The following MIB1 variants were observed in gnomAD, a reference collection of about 807,000 sequenced individuals.
MIB1 encodes the protein E3 ubiquitin-protein ligase MIB1.
In MIB1, 278 loss-of-function variants were observed where a neutral mutation model predicts 124.5. The ratio of observed to expected loss-of-function variants is 2.23; its 90% CI spans 2.02 to 2.47. The LOEUF is 2.47. Ranked by LOEUF, MIB1 falls within the 30% of genes most tolerant of loss-of-function variation. The pLI, the probability that MIB1 is intolerant of heterozygous loss-of-function variation, is 0.00. For missense variants in MIB1, 957 were observed against 1,254.4 expected, an observed-to-expected ratio of 0.76 and a Z score of 3.58; for synonymous variants, 446 against 429.4, an observed-to-expected ratio of 1.04 and a Z score of -0.48.
intron 7 of MIB1, among the ~76,000 whole-genome samples, chr18:21,792,365 T>C (rs2041515259): frequency 6.6e-6 from 1 of 152,034 alleles, no homozygotes; most frequent in Non-Finnish European, 1.5e-5. Flanking sequence ...ACCCCCACTC[T>C]ACTGTAATTG....
At chr18:21,773,317 A>G (rs2041243114) in intron 3 of MIB1, among the ~76,000 whole-genome samples, 1 of 152,202 alleles carries the variant, frequency 6.6e-6, no homozygotes, top group African/African-American at 2.4e-5. Flanking sequence ...CTCTTTAAGA[A>G]TAAAAATATT....
chr18:21,814,324 T>C (rs2041805447), intron 10 of MIB1, among the ~76,000 whole-genome samples: 1 of 152,144 alleles, frequency 6.6e-6, no homozygotes, highest in African/African-American at 2.4e-5. Context: ...AGTTTTAATG[T>C]GTTGATAAAT....
chr18:21,740,902 A>G lies in MIB1; in HGVS notation c.-682A>G, dbSNP rs2040840696. 6.6e-6 allele frequency among the ~76,000 whole-genome samples: 1 copy of G among 152,228 alleles called. No individual in the cohort carries two copies. The highest frequency in any genetic ancestry group is 6.5e-5 in the Admixed American group (1 of 15,286). On this transcript the variant is annotated 5_prime_UTR_variant, in exon 1 of 21. Coordinates refer to ENST00000261537, the MANE Select transcript of MIB1 (RefSeq NM_020774.4). ...TATTATTGCCGAGGATCCCCCTCCT[A>G]GACACTCTGAGAAGGTGCCGCTCCG...
At chr18:21,761,786 T>C (rs542814335) in intron 1 of MIB1, among the ~76,000 whole-genome samples, 48 of 152,348 alleles carry the variant, frequency 3.2e-4, no homozygotes, top group Non-Finnish European at 6.0e-4. Context: ...CCGGGAGCTC[T>C]GAGCCAATGC....
chr18:21,838,389 A>G lies in MIB1; in HGVS notation c.1854A>G (p.Lys618=), dbSNP rs146886099. ...GTGCAATGCGTGTTTTACTATCTAA[A>G]TTACCAAGACCATGGATTGTGGATG... is the stretch of plus-strand genomic sequence containing the variant. The part of the protein sequence containing the change: ...NPSAMRVLLS[K]LPRPWIVDEK... The change falls in exon 13 of 21, where the codon AAA becomes AAG. Residue 618 remains lysine, a synonymous_variant. Transcript: ENST00000261537. 28 of 1,602,420 alleles carry G rather than the reference A, an allele frequency of 1.7e-5. No homozygotes were observed. In the South Asian group the frequency reaches 3.2e-4, roughly 18 times the overall value.
Position 21,765,917 on chromosome 18 carries a change from C to G in MIB1, c.375C>G (p.Tyr125Ter). Residue 125 changes from tyrosine (Y) to a stop codon, truncating the protein, a stop_gained, in exon 2 of 21, where the codon TAC becomes TAG. Transcript: ENST00000261537. LOFTEE classifies it high-confidence loss of function. ...GDKHHLRHRF[Y>*]RITTPGSERV... is the part of the protein sequence containing the mutation. ...AACATCATTTAAGACATCGCTTTTA[C>G]CGAATTACTACACCGGGAAGTGAGA... is the stretch of plus-strand genomic sequence containing the variant. 1 of 1,614,050 alleles carries G rather than the reference C, an allele frequency of 6.2e-7. No individual in the cohort carries two copies. The highest frequency in any genetic ancestry group is 8.5e-7 in the Non-Finnish European group (1 of 1,179,972).
At chr18:21,775,126 T>C (rs2041268512) in intron 4 of MIB1, among the ~76,000 whole-genome samples, 1 of 151,604 alleles carries the variant, frequency 6.6e-6, no homozygotes, top group South Asian at 2.1e-4. Context: ...TTTGCATTTT[T>C]AGTAGAGACG....
At chr18:21,709,107 G>A (rs1307390848) in intron 1 of MIB1, among the ~76,000 whole-genome samples, 2 of 152,076 alleles carry the variant, frequency 1.3e-5, no homozygotes, top group East Asian at 3.9e-4. Context: ...ACGAGGTCAG[G>A]AGATCGAGAC....
At chr18:21,862,668 CT>C (rs1291488739) in intron 20 of MIB1, among the ~76,000 whole-genome samples, 1 of 152,086 alleles carries the variant, frequency 6.6e-6, no homozygotes, top group Non-Finnish European at 1.5e-5. Context: ...AGAGCAAGAA[CT>C]TTGGGGCCCT....
At chr18:21,773,093 C>G (rs1312483637) in intron 3 of MIB1, among the ~76,000 whole-genome samples, 2 of 152,028 alleles carry the variant, frequency 1.3e-5, no homozygotes, top group South Asian at 2.1e-4. Flanking sequence ...TGGTGAAACC[C>G]CATCTCTACT....
At chr18:21,848,499 G>A (rs2042154199) in intron 16 of MIB1, among the ~76,000 whole-genome samples, 1 of 152,048 alleles carries the variant, frequency 6.6e-6, no homozygotes, top group Non-Finnish European at 1.5e-5. Context: ...TATAATTATT[G>A]CAGTAATAAC....
chr18:21,786,857 T>G (rs938576114), intron 6 of MIB1, among the ~76,000 whole-genome samples: 3 of 152,234 alleles, frequency 2.0e-5, no homozygotes, highest in Non-Finnish European at 4.4e-5. Flanking sequence ...TGTGTTATCT[T>G]AGAGTTCAAC....
intron 20 of MIB1, among the ~76,000 whole-genome samples, chr18:21,859,466 G>C (rs1236203368): frequency 6.6e-6 from 1 of 152,034 alleles, no homozygotes; most frequent in African/African-American, 2.4e-5. Context: ...AGGGAAGAAG[G>C]GAAGTTTCTA....
chr18:21,763,722 C>T (rs959742663), intron 1 of MIB1, among the ~76,000 whole-genome samples: 3 of 152,046 alleles, frequency 2.0e-5, no homozygotes, highest in African/African-American at 7.2e-5. Context: ...ATATCCTCTA[C>T]ATCTTTTGTC....
At position 21,870,238 on chromosome 18, in the gene MIB1, A is replaced by G. The variant is rs1294224435; in HGVS notation, c.*5572A>G. 6.6e-6 allele frequency: 1 copy of G among 152,522 alleles called. No individual in the cohort carries two copies. Among genetic ancestry groups the G allele is most frequent in the East Asian group, 1.9e-4 (1 of 5,200 alleles). 9.4% of individuals were successfully genotyped at this position (152,522 alleles called of 1,614,324 possible). On this transcript the variant is annotated 3_prime_UTR_variant, in exon 21 of 21. Coordinates refer to ENST00000261537, the MANE Select transcript of MIB1 (RefSeq NM_020774.4). ...GTAGTATACATGAATTTTGATTTTT[A>G]AAGCATTTAAAAACAAATCTCAATA...
intron 9 of MIB1, among the ~76,000 whole-genome samples, chr18:21,800,975 T>C (rs1054650009): frequency 2.0e-5 from 3 of 152,088 alleles, no homozygotes; most frequent in African/African-American, 7.2e-5. Flanking sequence ...TTAAGTTTTT[T>C]CTTCATTTAC....
intron 1 of MIB1, among the ~76,000 whole-genome samples, chr18:21,714,180 C>T (rs529261790): frequency 3.5e-4 from 53 of 152,314 alleles, no homozygotes; most frequent in African/African-American, 1.2e-3. Flanking sequence ...CTGGCCAAAT[C>T]GCCCAAAGCC....
At chr18:21,822,433 TC>T (rs1411414742) in intron 12 of MIB1, among the ~76,000 whole-genome samples, 3 of 152,218 alleles carry the variant, frequency 2.0e-5, no homozygotes, top group Non-Finnish European at 4.4e-5. Flanking sequence ...CAGCACCTCT[TC>T]CAACCAGATA....
chr18:21,828,986 C>A (rs756792522), intron 12 of MIB1: 2 of 469,346 alleles, frequency 4.3e-6, no homozygotes, highest in Non-Finnish European at 8.8e-6. Flanking sequence ...CAGTTTAATT[C>A]TCCCTTGGTG....
Sources: allele counts gnomAD v4.1 joint callset (sites outside exome capture counted in the v4.1 genomes callset), GRCh38; gene constraint gnomAD v4.1.1; transcripts MANE v1.5; gene names NCBI Gene and HGNC (gene_info 2026-07-23, HGNC 2026-07-21).